Variants in ACVR1 observed in about 807,000 individuals in gnomAD.
The protein encoded by ACVR1 is activin A receptor type 1.
Under a neutral mutation model 57.1 loss-of-function variants are expected in ACVR1, and 38 were observed. That is an observed-to-expected ratio of 0.67 (90% confidence interval 0.51 to 0.87). The LOEUF (loss-of-function observed/expected upper bound fraction) is 0.87. ACVR1 is among the 40% of genes least tolerant of loss of function. ACVR1 has a pLI of 0.00. For synonymous variants in ACVR1, 212 were observed against 228.1 expected, an observed-to-expected ratio of 0.93 and a Z score of 0.63; for missense variants, 463 against 638.2, an observed-to-expected ratio of 0.73 and a Z score of 2.96.
At chr2:157,829,923 T>C (rs936142595) in intron 1 of ACVR1, among the ~76,000 whole-genome samples, 4 of 152,122 alleles carry the variant, frequency 2.6e-5, no homozygotes, top group Admixed American at 2.6e-4. Flanking sequence ...TCATAAACAA[T>C]AGGCCAAGAG....
chr2:157,799,446 G>A lies in ACVR1; in HGVS notation c.48C>T (p.Leu16=), dbSNP rs1335695106. The A allele has an allele frequency of 6.2e-7, 1 of 1,612,320 alleles. No individual in the cohort carries two copies. Among genetic ancestry groups the A allele is most frequent in the Non-Finnish European group, 8.5e-7 (1 of 1,178,794 alleles). Residue 16 remains leucine (L), a synonymous_variant, in exon 3 of 11, where the codon CTC becomes CTT. Coordinates refer to ENST00000434821, the MANE Select transcript of ACVR1 (RefSeq NM_001111067.4). ...ACTTACCTTCCATACTAGGGGAGGG[G>A]AGAGCAATCATGATAAGCACAGGAA... ...MILPVLIMIA[L]PSPSMEDEKP... is the part of the protein sequence containing the mutation.
At chr2:157,832,139 T>C (rs1688601232) in intron 1 of ACVR1, among the ~76,000 whole-genome samples, 1 of 152,092 alleles carries the variant, frequency 6.6e-6, no homozygotes, top group Non-Finnish European at 1.5e-5. Context: ...CCTAGGCATG[T>C]TACTTCCCAG....
chr2:157,865,859 G>GATAA (rs1689909213), intron 1 of ACVR1, among the ~76,000 whole-genome samples: 1 of 151,002 alleles, frequency 6.6e-6, no homozygotes, highest in South Asian at 2.1e-4. Context: ...TAGATAGATA[G>GATAA]ATAGATTGAC....
At chr2:157,761,528 A>G (rs533002868) in intron 8 of ACVR1, among the ~76,000 whole-genome samples, 85 of 152,338 alleles carry the variant, frequency 5.6e-4, no homozygotes, top group Non-Finnish European at 8.8e-5. Context: ...GTAATTTATC[A>G]CTACATAAAG....
chr2:157,784,530 T>C (rs1686641674), intron 3 of ACVR1, among the ~76,000 whole-genome samples: 1 of 152,240 alleles, frequency 6.6e-6, no homozygotes, highest in Admixed American at 6.5e-5. Context: ...ACCCACATTG[T>C]TTGTTCTAGA....
rs868570176 is a variant in ACVR1 at position 157,806,080 on chromosome 2, G to A, written c.-7-6580C>T. On this transcript the variant is annotated intron_variant, in intron 2 of 10. Transcript: ENST00000434821. ...TGGGCTTAATCAATCCCCCTGCCTC[G>A]GCCTCCCAAAGTGCTGGGATTACAG... 5.3e-5 allele frequency among the ~76,000 whole-genome samples: 8 copies of A among 151,766 alleles called. No individual in the cohort carries two copies. In the South Asian group the frequency reaches 1.5e-3, roughly 28 times the overall value.
intron 1 of ACVR1, among the ~76,000 whole-genome samples, chr2:157,868,643 G>C (rs764868211): frequency 8.5e-5 from 13 of 152,054 alleles, no homozygotes; most frequent in Non-Finnish European, 1.8e-4. Flanking sequence ...CATCCAATTG[G>C]TACCTCTTTC....
At chr2:157,802,847 T>C (rs981908762) in intron 2 of ACVR1, among the ~76,000 whole-genome samples, 3 of 152,196 alleles carry the variant, frequency 2.0e-5, no homozygotes, top group Admixed American at 6.6e-5. Context: ...CTATAGTCTA[T>C]CTTGTTCATC....
intron 9 of ACVR1, among the ~76,000 whole-genome samples, chr2:157,742,322 G>A (rs536069809): frequency 6.4e-4 from 97 of 152,334 alleles, no homozygotes; most frequent in Non-Finnish European, 1.1e-3. Context: ...CACTTCAAGT[G>A]CCAAATGAGC....
chr2:157,764,916 A>AT (rs757172879), intron 8 of ACVR1, among the ~76,000 whole-genome samples: 12 of 152,158 alleles, frequency 7.9e-5, no homozygotes, highest in Admixed American at 2.6e-4. Context: ...AAGGAAATAA[A>AT]TTTTCCTAAC....
intron 8 of ACVR1, among the ~76,000 whole-genome samples, chr2:157,763,180 A>T (rs1685729644): frequency 6.6e-6 from 1 of 152,242 alleles, no homozygotes; most frequent in Admixed American, 6.5e-5. Flanking sequence ...AATTATCAAT[A>T]ATCTGTAGAT....
intron 1 of ACVR1, among the ~76,000 whole-genome samples, chr2:157,825,397 T>C (rs1475928502): frequency 6.6e-6 from 1 of 152,138 alleles, no homozygotes; most frequent in Non-Finnish European, 1.5e-5. Context: ...TCATGACAAC[T>C]CATCAGGCCA....
chr2:157,864,058 C>G (rs575812130), intron 1 of ACVR1, among the ~76,000 whole-genome samples: 1 of 151,494 alleles, frequency 6.6e-6, no homozygotes, highest in East Asian at 2.0e-4. Context: ...GACGGGGTTT[C>G]ACACCATGTT....
intron 3 of ACVR1, among the ~76,000 whole-genome samples, chr2:157,785,128 C>A (rs1186249346): frequency 6.6e-6 from 1 of 152,200 alleles, no homozygotes; most frequent in Non-Finnish European, 1.5e-5. Context: ...AGTAAACAAA[C>A]CGGCCCATGG....
chr2:157,872,083 A>C (rs958691131), intron 1 of ACVR1, among the ~76,000 whole-genome samples: 1 of 152,230 alleles, frequency 6.6e-6, no homozygotes, highest in Non-Finnish European at 1.5e-5. Context: ...TGAGAGCTGG[A>C]ATTGGCCACA....
At chr2:157,837,087 A>G (rs1028900225) in intron 1 of ACVR1, among the ~76,000 whole-genome samples, 2 of 152,250 alleles carry the variant, frequency 1.3e-5, no homozygotes, top group African/African-American at 4.8e-5. Context: ...CATAAAGTTC[A>G]TAGCACAGGA....
Position 157,751,858 on chromosome 2 carries a change from TTCTC to T in ACVR1, c.1264+9018_1264+9021del, listed in dbSNP as rs145336757. Among the ~76,000 whole-genome samples the T allele has an allele frequency of 8.9e-3, 1,360 of 152,240 alleles. 13 individuals are homozygous for T. The highest frequency in any genetic ancestry group is 0.03 in the African/African-American group (1,265 of 41,548). ...TAACCCTGCCCCTACCTGATGGTCT[TTCTC>T]TACTCATCCTGGTAGCTGAAGATAA... On this transcript the variant is annotated intron_variant, in intron 9 of 10. Transcript: ENST00000434821.
chr2:157,838,766 T>C (rs1260956191), intron 1 of ACVR1, among the ~76,000 whole-genome samples: 3 of 152,180 alleles, frequency 2.0e-5, no homozygotes. Context: ...CTCTTCCAAG[T>C]ATGTACATCT....
intron 1 of ACVR1, among the ~76,000 whole-genome samples, chr2:157,837,882 C>T (rs1170540693): frequency 6.6e-6 from 1 of 152,132 alleles, no homozygotes; most frequent in South Asian, 2.1e-4. Context: ...ACTCTTGACT[C>T]GAATTCTCTG....
Sources: gnomAD v4.1 joint callset for allele counts (sites outside exome capture counted in the v4.1 genomes callset) on GRCh38, gnomAD v4.1.1 for gene constraint, MANE v1.5 for transcripts, NCBI Gene and HGNC (gene_info 2026-07-23, HGNC 2026-07-21) for gene names.